SIPA1L3: variants seen among roughly 807,000 people sequenced by gnomAD.
The protein encoded by SIPA1L3 is signal-induced proliferation-associated 1-like protein 3.
In SIPA1L3, 59 loss-of-function variants were observed where a neutral mutation model predicts 150.1. The ratio of observed to expected loss-of-function variants is 0.39; its 90% CI spans 0.32 to 0.49. The LOEUF is 0.49. SIPA1L3 is among the 20% of genes least tolerant of loss of function. SIPA1L3 has a pLI of 0.86. For missense variants in SIPA1L3, 2,211 were observed against 2,489.5 expected (o/e 0.89, Z 2.38); for synonymous variants, 1,070 against 1,077.6 (o/e 0.99, Z 0.14).
At chr19:37,929,483 C>G (rs2046534138) in intron 1 of SIPA1L3, among the ~76,000 whole-genome samples, 1 of 152,178 alleles carries the variant, frequency 6.6e-6, no homozygotes, top group Non-Finnish European at 1.5e-5. Flanking sequence ...TGCACAAAGT[C>G]CCAGTACCAC....
intron 1 of SIPA1L3, among the ~76,000 whole-genome samples, chr19:37,984,420 T>C (rs928737214): frequency 2.0e-5 from 3 of 152,048 alleles, no homozygotes; most frequent in African/African-American, 4.8e-5. Flanking sequence ...ATTGAAGACT[T>C]GCATCTCAAT....
At position 38,138,900 on chromosome 19, in the gene SIPA1L3, A is replaced by AAAAAAAAAAAAC. The variant is rs1971501995; in HGVS notation, c.3144-2273_3144-2272insCAAAAAAAAAAA. 1.4e-5 allele frequency among the ~76,000 whole-genome samples: 2 copies of AAAAAAAAAAAAC among 143,096 alleles called. 1 individual carries two copies. The highest frequency in any genetic ancestry group is 3.0e-5 in the Non-Finnish European group (2 of 66,162). The allele number at this position is 143,096 out of a possible 152,430, so 93.9% of individuals were successfully genotyped here. ...GTGACAGAACGAGACTCTATCTCAA[A>AAAAAAAAAAAAC]AAAAAAAAAAAAAAACTGAGTGTGG... On this transcript the variant is annotated intron_variant, in intron 10 of 21. Transcript: ENST00000222345.
rs1021266051 is a variant in SIPA1L3, at chr19:38,142,446, G to A, written c.3396-127G>A. On this transcript the variant is annotated intron_variant, in intron 11 of 21. Coordinates refer to ENST00000222345, the MANE Select transcript of SIPA1L3 (RefSeq NM_015073.3). ...AATAGCAGAAGGGATGTGGCTGGGC[G>A]GGGGAAAGTTCGGTTGGTCTGTCTG... 18 of 1,024,216 alleles carry A rather than the reference G, an allele frequency of 1.8e-5. No individual in the cohort carries two copies. The East Asian group carries it at 1.8e-4, about 10-fold the overall frequency. 63.4% of individuals were successfully genotyped at this position (1,024,216 alleles called of 1,614,324 possible). A position where few individuals can be genotyped will look rare whatever the true frequency, so the allele number is the denominator to read the frequency against.
chr19:37,954,813 G>A (rs2046795065), intron 1 of SIPA1L3, among the ~76,000 whole-genome samples: 2 of 152,078 alleles, frequency 1.3e-5, no homozygotes, highest in Admixed American at 1.3e-4. Flanking sequence ...CAGGCTGGGC[G>A]CAGTGGCTTA....
At position 38,201,932 on chromosome 19, in the gene SIPA1L3, T is replaced by G; in HGVS notation, c.5055T>G (p.Ser1685Arg). 1 of 1,613,940 alleles carries G rather than the reference T, an allele frequency of 6.2e-7. No individual in the cohort carries two copies. The highest frequency in any genetic ancestry group is 8.5e-7 in the Non-Finnish European group (1 of 1,179,934). ...ALSPDIPPAH[S>R]PVHSHLSLER... ...GCCCGGACATCCCGCCTGCACACAG[T>G]CCTGTCCACAGCCACCTGAGCCTGG... The change falls in exon 20 of 22, where the codon AGT becomes AGG. Residue 1685 changes from serine to arginine, a missense_variant. By Grantham distance (110) the Ser-to-Arg change is moderately radical. Around this residue, in one of 5 missense-constraint regions of SIPA1L3, gnomAD observed 806 missense variants for 870.1 expected, o/e 0.93. Coordinates refer to ENST00000222345, the MANE Select transcript of SIPA1L3 (RefSeq NM_015073.3).
intron 4 of SIPA1L3, among the ~76,000 whole-genome samples, chr19:38,089,588 A>G (rs140497506): frequency 2.2e-3 from 330 of 152,336 alleles, no homozygotes; most frequent in African/African-American, 7.6e-3. Flanking sequence ...GGGACTCTCA[A>G]CCACAGGTAC....
intron 1 of SIPA1L3, among the ~76,000 whole-genome samples, chr19:37,962,484 T>TTTTTTTTTTTTG (rs2046868175): frequency 6.8e-6 from 1 of 147,652 alleles, no homozygotes; most frequent in South Asian, 2.2e-4. Flanking sequence ...TTTTTTTTTT[T>TTTTTTTTTTTTG]TTGAGATAGG....
chr19:38,106,782 G>T (rs1022272840), intron 7 of SIPA1L3, 142 bp downstream of exon 7: 12 of 635,318 alleles, frequency 1.9e-5, no homozygotes, highest in African/African-American at 3.7e-5. Context: ...TTCCCTGGGG[G>T]TTAGAGAGCA....
chr19:37,980,142 A>T (rs1967168305), intron 1 of SIPA1L3, among the ~76,000 whole-genome samples: 1 of 152,208 alleles, frequency 6.6e-6, no homozygotes, highest in African/African-American at 2.4e-5. Context: ...CACTTAAATA[A>T]AAAATAGGTC....
chr19:38,134,629 C>T (rs1376039274), intron 10 of SIPA1L3, among the ~76,000 whole-genome samples: 1 of 146,584 alleles, frequency 6.8e-6, no homozygotes, highest in Non-Finnish European at 1.5e-5. Context: ...ATCACTTGAA[C>T]CCAGGAGGCA....
chr19:38,155,599 G>A (rs949421983), intron 13 of SIPA1L3, among the ~76,000 whole-genome samples: 1 of 152,186 alleles, frequency 6.6e-6, no homozygotes, highest in African/African-American at 2.4e-5. Context: ...AAACAAATGA[G>A]CAATGTTAGA....
At chr19:38,198,618 G>A in intron 19 of SIPA1L3, 86 bp downstream of exon 19, 1 of 1,251,916 alleles carries the variant, frequency 8.0e-7, no homozygotes, top group Non-Finnish European at 1.0e-6. Context: ...GGCTTTGCAG[G>A]GATACCCACT....
chr19:38,162,422 TGTGG>T, intron 14 of SIPA1L3, 51 bp downstream of exon 14: 1 of 1,370,866 alleles, frequency 7.3e-7, no homozygotes, highest in Non-Finnish European at 1.0e-6. Context: ...CCTGCCTGGG[TGTGG>T]CCTCTGAGCT....
At chr19:38,017,740 A>G (rs1968271522) in intron 1 of SIPA1L3, among the ~76,000 whole-genome samples, 1 of 151,924 alleles carries the variant, frequency 6.6e-6, no homozygotes, top group African/African-American at 2.4e-5. Context: ...AGTGTTGCCC[A>G]GTCTGGCTTT....
chr19:38,064,818 A>G (rs35660735), intron 2 of SIPA1L3, among the ~76,000 whole-genome samples: 23,610 of 152,214 alleles, frequency 0.16, 2,166 homozygotes, highest in African/African-American at 0.23. Context: ...CTGTATTATT[A>G]TCTCCATTTT....
intron 1 of SIPA1L3, among the ~76,000 whole-genome samples, chr19:37,996,236 T>C (rs1967636747): frequency 6.6e-6 from 1 of 152,152 alleles, no homozygotes; most frequent in Non-Finnish European, 1.5e-5. Flanking sequence ...CCAGTATTTA[T>C]TTACTTAGAG....
At chr19:38,007,269 A>G (rs1967967496) in intron 1 of SIPA1L3, among the ~76,000 whole-genome samples, 1 of 152,080 alleles carries the variant, frequency 6.6e-6, no homozygotes, top group South Asian at 2.1e-4. Flanking sequence ...CCTGGCCAAC[A>G]TGGTGAAACC....
chr19:38,092,928 C>G (rs1489716107), intron 4 of SIPA1L3, among the ~76,000 whole-genome samples: 1 of 146,228 alleles, frequency 6.8e-6, no homozygotes, highest in African/African-American at 2.5e-5. Context: ...GGCGTGATCT[C>G]TGCTCACCAC....
chr19:37,937,643 T>G (rs1239753679), intron 1 of SIPA1L3, among the ~76,000 whole-genome samples: 2 of 140,584 alleles, frequency 1.4e-5, no homozygotes, highest in African/African-American at 2.7e-5. Flanking sequence ...TTAGGAGGCT[T>G]AGGAGGAAGG....
Sources: allele counts gnomAD v4.1 joint callset (sites outside exome capture counted in the v4.1 genomes callset), GRCh38; gene constraint gnomAD v4.1.1; regional missense constraint gnomAD v4.1.1; transcripts MANE v1.5; gene names NCBI Gene and HGNC (gene_info 2026-07-23, HGNC 2026-07-21).